MIA2: variants seen among roughly 807,000 people sequenced by gnomAD.
The protein encoded by MIA2 is MIA SH3 domain ER export factor 2.
MIA2 carries 127 observed loss-of-function variants against 167.8 expected under a neutral mutation model. That is an observed-to-expected ratio of 0.76 (90% CI 0.66 to 0.88). MIA2 has a LOEUF of 0.88. Ranked by LOEUF, MIA2 falls within the 40% of genes least tolerant of loss-of-function variation. The pLI is 0.00. For missense variants in MIA2, 1,690 were observed against 1,624.7 expected (o/e 1.04, Z -0.69); for synonymous variants, 552 against 541.9 (o/e 1.02, Z -0.26).
intron 22 of MIA2, among the ~76,000 whole-genome samples, chr14:39,318,626 A>G (rs1236774303): frequency 6.6e-6 from 1 of 152,146 alleles, no homozygotes; most frequent in Non-Finnish European, 1.5e-5. Flanking sequence ...TCAAATTATT[A>G]AATGTTTTAT....
At chr14:39,253,686 C>T (rs1321808895) in intron 6 of MIA2, 1 of 150,886 alleles carries the variant, frequency 6.6e-6, no homozygotes, top group Non-Finnish European at 1.5e-5. Flanking sequence ...AAATGAAAAG[C>T]AACTTGTTTG....
chr14:39,275,296 A>G (rs1188617963), intron 6 of MIA2, among the ~76,000 whole-genome samples: 2 of 151,878 alleles, frequency 1.3e-5, no homozygotes, highest in East Asian at 1.9e-4. Context: ...GCCTGCCACC[A>G]TGCCTGGCTA....
chr14:39,319,351 G>A (rs1217292618), intron 23 of MIA2, 60 bp downstream of exon 23: 5 of 754,752 alleles, frequency 6.6e-6, no homozygotes, highest in Non-Finnish European at 9.7e-6. Flanking sequence ...TATATATATT[G>A]CACATATAGT....
chr14:39,366,816 G>A (rs891063680), intron 23 of MIA2, among the ~76,000 whole-genome samples: 4 of 152,202 alleles, frequency 2.6e-5, no homozygotes, highest in Non-Finnish European at 5.9e-5. Flanking sequence ...CCTTTTGCTG[G>A]TGGGGATGGG....
At chr14:39,243,594 G>A (rs768627223) in intron 3 of MIA2, among the ~76,000 whole-genome samples, 1 of 152,142 alleles carries the variant, frequency 6.6e-6, no homozygotes, top group Non-Finnish European at 1.5e-5. Flanking sequence ...GGCTGGGGGT[G>A]GTGGCTCATG....
chr14:39,325,427 G>T (rs1317143248), intron 24 of MIA2, among the ~76,000 whole-genome samples: 1 of 149,112 alleles, frequency 6.7e-6, no homozygotes, highest in African/African-American at 2.5e-5. Flanking sequence ...GTGTGCAGTG[G>T]CATGATCTTG....
chr14:39,267,116 G>A, intron 6 of MIA2: 1 of 1,133,462 alleles, frequency 8.8e-7, no homozygotes, highest in Non-Finnish European at 1.1e-6. Context: ...GAAGTTTGCG[G>A]CTGTCCGCGC....
intron 6 of MIA2, chr14:39,267,570 C>T (rs1007542706): frequency 3.7e-6 from 6 of 1,602,438 alleles, no homozygotes; most frequent in Admixed American, 3.4e-5. Flanking sequence ...GTCGCGGGAG[C>T]CGCCGGGGGA....
intron 6 of MIA2, among the ~76,000 whole-genome samples, chr14:39,272,005 T>A (rs979988705): frequency 6.6e-6 from 1 of 151,914 alleles, no homozygotes; most frequent in South Asian, 2.1e-4. Flanking sequence ...TTTGTGAGTA[T>A]GCAAAAAAGG....
intron 9 of MIA2, among the ~76,000 whole-genome samples, chr14:39,280,161 C>T (rs74589809): frequency 0.031 from 4,779 of 152,196 alleles, 267 homozygotes; most frequent in African/African-American, 0.11. Context: ...TCTTAAGTCA[C>T]TGAATATATG....
intron 9 of MIA2, among the ~76,000 whole-genome samples, chr14:39,280,911 GTTTTTT>G (rs751903170): frequency 1.5e-4 from 9 of 60,204 alleles, no homozygotes; most frequent in African/African-American, 5.2e-4. Flanking sequence ...TATTAGTTTA[GTTTTTT>G]TTTTTTTTTT....
intron 17 of MIA2, among the ~76,000 whole-genome samples, chr14:39,306,365 A>T (rs378162): frequency 1 from 152,319 of 152,326 alleles, 76,156 homozygotes; most frequent in Middle Eastern, 1. Flanking sequence ...TCAGGAAATT[A>T]ACAGTCATGG....
At chr14:39,342,517 G>A (rs1387759322) in intron 25 of MIA2, among the ~76,000 whole-genome samples, 28 of 152,002 alleles carry the variant, frequency 1.8e-4, no homozygotes, top group Non-Finnish European at 3.2e-4. Flanking sequence ...AATCCTTTGG[G>A]TATATACCCA....
At chr14:39,367,259 T>TA (rs1399697789) in intron 23 of MIA2, among the ~76,000 whole-genome samples, 1 of 152,196 alleles carries the variant, frequency 6.6e-6, no homozygotes, top group Non-Finnish European at 1.5e-5. Context: ...GTCCAACTGA[T>TA]ACTATGCCAC....
intron 26 of MIA2, among the ~76,000 whole-genome samples, chr14:39,346,398 T>G (rs1273806729): frequency 3.3e-5 from 5 of 152,300 alleles, no homozygotes; most frequent in East Asian, 3.9e-4. Context: ...GAAAACAATT[T>G]AGATGCATGC....
chr14:39,348,714 A>C (rs772165290), intron 27 of MIA2, 29 bp from the exon 28 acceptor site: 140 of 1,610,320 alleles, frequency 8.7e-5, no homozygotes, highest in Non-Finnish European at 1.1e-4. Flanking sequence ...TTACTGTTTT[A>C]GTGACTGCCA....
At chr14:39,303,417 G>A in intron 15 of MIA2, 61 bp from the exon 16 acceptor site, 4 of 1,203,252 alleles carry the variant, frequency 3.3e-6, no homozygotes, top group Non-Finnish European at 4.8e-6. Flanking sequence ...TCATTTTGAT[G>A]TCTATTGTCG....
intron 9 of MIA2, among the ~76,000 whole-genome samples, chr14:39,285,422 G>C (rs1309780942): frequency 6.7e-6 from 1 of 148,838 alleles, no homozygotes; most frequent in African/African-American, 2.5e-5. Flanking sequence ...GGCCGGGCGG[G>C]GGCTGACCCC....
chr14:39,345,533 TTTCC>T lies in MIA2; in HGVS notation c.3656-368_3656-365del, dbSNP rs1180375139. On this transcript the variant is annotated intron_variant, in intron 25 of 28. Transcript: ENST00000640607. ...GTGCTTACGTTTTTTCTCTTTACTT[TTTCC>T]TTATGTTAGTAGATGTTTCCTGGGT... 2.6e-5 allele frequency among the ~76,000 whole-genome samples: 4 copies of T among 152,360 alleles called. 1 individual carries two copies. The South Asian group carries it at 6.2e-4, about 24-fold the overall frequency.
Sources: allele counts gnomAD v4.1 joint callset (sites outside exome capture counted in the v4.1 genomes callset), GRCh38; gene constraint gnomAD v4.1.1; transcripts MANE v1.5; gene names NCBI Gene and HGNC (gene_info 2026-07-23, HGNC 2026-07-21).